Variants in MAF observed in about 807,000 individuals in gnomAD.
MAF encodes the protein transcription factor Maf.
MAF carries 10 observed loss-of-function variants against 22.0 expected under a neutral mutation model. The ratio of observed to expected loss-of-function variants is 0.45; its 90% confidence interval spans 0.28 to 0.77. The LOEUF is 0.77. MAF is among the 30% of genes least tolerant of loss of function. MAF has a pLI of 0.12. For missense variants in MAF, 544 were observed against 548.4 expected, an observed-to-expected ratio of 0.99 and a Z score of 0.08; for synonymous variants, 337 against 255.8, an observed-to-expected ratio of 1.32 and a Z score of -3.03.
At chr16:79,517,267 C>T in the MAF span, among the ~76,000 whole-genome samples, 1 of 152,214 alleles carries the variant, frequency 6.6e-6, no homozygotes, top group African/African-American at 2.4e-5. Flanking sequence ...TTCAGCCTAG[C>T]AGCACCAGAG....
the MAF span, among the ~76,000 whole-genome samples, chr16:79,451,972 G>A: frequency 2.0e-5 from 3 of 149,466 alleles, no homozygotes; most frequent in Non-Finnish European, 4.4e-5. Context: ...TGTATCCATC[G>A]TATTCTGCAG....
At chr16:79,329,396 G>A in the MAF span, among the ~76,000 whole-genome samples, 1 of 152,118 alleles carries the variant, frequency 6.6e-6, no homozygotes, top group Non-Finnish European at 1.5e-5. Context: ...AAAGTGCCAC[G>A]CAAATGAGAT....
the MAF span, among the ~76,000 whole-genome samples, chr16:79,217,742 T>G: frequency 1.3e-5 from 2 of 152,172 alleles, no homozygotes; most frequent in Admixed American, 6.5e-5. Flanking sequence ...TCACACCTGA[T>G]TAAGGGAGAC....
At chr16:79,437,639 T>A in the MAF span, among the ~76,000 whole-genome samples, 7 of 151,900 alleles carry the variant, frequency 4.6e-5, no homozygotes, top group African/African-American at 1.7e-4. Context: ...CGAGAGCTCA[T>A]GCCGGTCACC....
chr16:79,400,470 T>C, the MAF span, among the ~76,000 whole-genome samples: 6 of 152,396 alleles, frequency 3.9e-5, no homozygotes, highest in East Asian at 7.7e-4. Flanking sequence ...CATAGCACAG[T>C]GCCTGGCCTG....
At chr16:79,244,831 C>T in the MAF span, among the ~76,000 whole-genome samples, 1 of 151,996 alleles carries the variant, frequency 6.6e-6, no homozygotes, top group Non-Finnish European at 1.5e-5. Context: ...TACATGGCTA[C>T]AGTAACAAAA....
chr16:79,582,935 G>C (rs185095973), downstream of MAF, among the ~76,000 whole-genome samples: 311 of 152,320 alleles, frequency 2.0e-3, 1 homozygote, highest in Non-Finnish European at 3.5e-3. Context: ...TTTTCAAATA[G>C]AGGCACCAAG....
chr16:79,313,406 G>A, the MAF span, among the ~76,000 whole-genome samples: 1 of 152,136 alleles, frequency 6.6e-6, no homozygotes, highest in Non-Finnish European at 1.5e-5. Flanking sequence ...AACAGTAAAA[G>A]GCCAGTCATG....
chr16:79,513,805 T>C, the MAF span, among the ~76,000 whole-genome samples: 2 of 152,198 alleles, frequency 1.3e-5, no homozygotes, highest in Non-Finnish European at 2.9e-5. Context: ...CCTAATAGTA[T>C]TGCTTTTCCA....
the MAF span, among the ~76,000 whole-genome samples, chr16:79,238,916 G>A: frequency 6.6e-6 from 1 of 151,914 alleles, no homozygotes; most frequent in Non-Finnish European, 1.5e-5. Flanking sequence ...TGTTTGCTCT[G>A]ATCTCATGGT....
At chr16:79,424,783 T>C in the MAF span, among the ~76,000 whole-genome samples, 2 of 152,350 alleles carry the variant, frequency 1.3e-5, no homozygotes, top group South Asian at 2.1e-4. Context: ...TATCCTGATA[T>C]ACCTATGCTT....
chr16:79,281,693 T>A, the MAF span, among the ~76,000 whole-genome samples: 1 of 151,862 alleles, frequency 6.6e-6, no homozygotes, highest in South Asian at 2.1e-4. Context: ...GGACTACAGG[T>A]GCACCACCAC....
chr16:79,370,492 T>G, the MAF span, among the ~76,000 whole-genome samples: 4 of 152,198 alleles, frequency 2.6e-5, no homozygotes, highest in East Asian at 5.8e-4. Flanking sequence ...TTGTGACTCT[T>G]GCAAGAGCAC....
the MAF span, among the ~76,000 whole-genome samples, chr16:79,235,650 C>T: frequency 6.6e-6 from 1 of 152,038 alleles, no homozygotes; most frequent in East Asian, 1.9e-4. Context: ...TCTATGCACA[C>T]GCTCTACGGT....
the MAF span, among the ~76,000 whole-genome samples, chr16:79,549,405 T>C: frequency 6.6e-6 from 1 of 152,192 alleles, no homozygotes; most frequent in Admixed American, 6.5e-5. Context: ...ACAGCCACTA[T>C]CCTTTAAGAA....
At chr16:79,454,541 G>GA in the MAF span, among the ~76,000 whole-genome samples, 4 of 152,164 alleles carry the variant, frequency 2.6e-5, no homozygotes, top group Admixed American at 6.5e-5. Flanking sequence ...ATCTTTAAGT[G>GA]ATGTCAAAGA....
chr16:79,465,708 T>C, the MAF span, among the ~76,000 whole-genome samples: 1 of 152,246 alleles, frequency 6.6e-6, no homozygotes, highest in African/African-American at 2.4e-5. Context: ...TTCACCATCA[T>C]GAGCTTTGTG....
chr16:79,279,062 T>C, the MAF span, among the ~76,000 whole-genome samples: 1 of 152,192 alleles, frequency 6.6e-6, no homozygotes, highest in African/African-American at 2.4e-5. Context: ...ATATATTTTA[T>C]CATTCAATTC....
At chr16:79,430,336 C>A in the MAF span, among the ~76,000 whole-genome samples, 2 of 152,224 alleles carry the variant, frequency 1.3e-5, no homozygotes, top group South Asian at 4.1e-4. Context: ...CACCTTCCCC[C>A]GGGCTGAGCA....
Sources: allele counts gnomAD v4.1 joint callset (sites outside exome capture counted in the v4.1 genomes callset), GRCh38; gene constraint gnomAD v4.1.1; transcripts MANE v1.5; gene names NCBI Gene and HGNC (gene_info 2026-07-23, HGNC 2026-07-21).